Variants in CPNE2 observed in about 807,000 individuals in gnomAD.
CPNE2 encodes the protein copine 2.
Under a neutral mutation model 69.7 loss-of-function variants are expected in CPNE2, and 42 were observed. The observed-to-expected ratio is 0.60, with a 90% CI of 0.47 to 0.78. The LOEUF is 0.78. CPNE2 is among the 30% of genes least tolerant of loss of function. CPNE2 has a pLI of 0.00. For synonymous variants in CPNE2, 294 were observed against 289.8 expected (o/e 1.01, Z -0.15); for missense variants, 587 against 732.0 (o/e 0.80, Z 2.29).
intron 1 of CPNE2, among the ~76,000 whole-genome samples, chr16:57,100,943 A>G (rs1254278828): frequency 6.6e-6 from 1 of 152,128 alleles, no homozygotes; most frequent in Non-Finnish European, 1.5e-5. Context: ...GGTTAATTTT[A>G]TGTGTCAGCT....
rs2069958230 is a variant in CPNE2 at position 57,146,344 on chromosome 16, AG to A, written c.1539+28del. 2.0e-6 allele frequency: 3 copies of A among 1,526,414 alleles called. No homozygotes were observed. The highest frequency in any genetic ancestry group is 1.2e-5 in the South Asian group (1 of 81,098). The allele number at this position is 1,526,414 out of a possible 1,614,324, so 94.6% of individuals were successfully genotyped here. On this transcript the variant is annotated intron_variant, in intron 15 of 15. Coordinates refer to ENST00000290776, the MANE Select transcript of CPNE2 (RefSeq NM_152727.6). The surrounding 1 kb of genome is among the most constrained non-coding windows in gnomAD (Gnocchi z 4.4). ...AACGTGAGTGTGGGCCTGGGCTGGG[AG>A]GGGGCGGTTACAGGATCCCAGCCAC...
At chr16:57,137,432 G>A (rs1223550544) in intron 14 of CPNE2, 150 bp downstream of exon 14, 13 of 1,079,124 alleles carry the variant, frequency 1.2e-5, no homozygotes, top group Non-Finnish European at 1.7e-5. Flanking sequence ...GTTGAGTCAA[G>A]CTCAACTTGA....
At chr16:57,128,763 G>A (rs1187199678) in intron 12 of CPNE2, among the ~76,000 whole-genome samples, 5 of 152,098 alleles carry the variant, frequency 3.3e-5, no homozygotes, top group East Asian at 1.9e-4. Context: ...CCATCCTCTC[G>A]CTGTGTGGAG....
chr16:57,132,969 G>A (rs2069849273), intron 12 of CPNE2, among the ~76,000 whole-genome samples: 1 of 152,132 alleles, frequency 6.6e-6, no homozygotes, highest in South Asian at 2.1e-4. Context: ...GGCCCGAGAA[G>A]GCAAAATATT....
At chr16:57,132,473 G>A (rs1296112341) in intron 12 of CPNE2, among the ~76,000 whole-genome samples, 4 of 152,104 alleles carry the variant, frequency 2.6e-5, no homozygotes, top group South Asian at 2.1e-4. Context: ...TGCCCCACCC[G>A]CTGCCTCTAC....
chr16:57,140,016 G>T (rs1242234652), intron 14 of CPNE2, among the ~76,000 whole-genome samples: 4 of 152,170 alleles, frequency 2.6e-5, no homozygotes, highest in African/African-American at 9.7e-5. Context: ...GAGTGGCCGG[G>T]GTAGAGGGAA....
chr16:57,147,934 T>C lies in CPNE2; in HGVS notation c.*276T>C. 1 of 331,454 alleles carries C rather than the reference T, an allele frequency of 3.0e-6. No individual in the cohort carries two copies. Among genetic ancestry groups the C allele is most frequent in the Non-Finnish European group, 5.4e-6 (1 of 183,956 alleles). 20.5% of individuals were successfully genotyped at this position (331,454 alleles called of 1,614,324 possible). A position where few individuals can be genotyped will look rare whatever the true frequency, so the allele number is the denominator to read the frequency against. On this transcript the variant is annotated 3_prime_UTR_variant, in exon 16 of 16. Transcript: ENST00000290776. ...TGTACTTTGTATAATTTTAGTGGAA[T>C]TGTTATTGAGAATAAAATTTTTACA...
intron 12 of CPNE2, among the ~76,000 whole-genome samples, chr16:57,133,215 G>A (rs1395167071): frequency 2.0e-5 from 3 of 152,254 alleles, no homozygotes; most frequent in Admixed American, 1.3e-4. Context: ...GGGTGAAGTG[G>A]GCCCTGGACA....
chr16:57,114,431 A>G (rs1333472362), intron 3 of CPNE2, among the ~76,000 whole-genome samples: 2 of 150,878 alleles, frequency 1.3e-5, no homozygotes, highest in Non-Finnish European at 3.0e-5. Flanking sequence ...AGAAGCTCCC[A>G]TCAAACGGGG....
At chr16:57,114,331 G>T (rs2069702019) in intron 3 of CPNE2, among the ~76,000 whole-genome samples, 1 of 152,224 alleles carries the variant, frequency 6.6e-6, no homozygotes, top group Non-Finnish European at 1.5e-5. Flanking sequence ...AAGGCAGGGT[G>T]AGGAAGTGGC....
Position 57,110,538 on chromosome 16 carries a change from C to G in CPNE2, c.-35-170C>G, listed in dbSNP as rs367763908. 1.8e-4 allele frequency: 77 copies of G among 419,510 alleles called. 1 individual carries two copies. Among genetic ancestry groups the G allele is most frequent in the African/African-American group, 1.2e-3 (56 of 48,684 alleles). The allele number at this position is 419,510 out of a possible 1,614,324, so 26.0% of individuals were successfully genotyped here. A position where few individuals can be genotyped will look rare whatever the true frequency, so the allele number is the denominator to read the frequency against. ...GCTGAGACTCCCTTTTCATGCATTT[C>G]CTTGCATTCTTCTTTCTTCAAACCT... is the stretch of plus-strand genomic sequence containing the variant. On this transcript the variant is annotated intron_variant, in intron 1 of 15. Transcript: ENST00000290776.
chr16:57,102,144 G>A (rs888383746), intron 1 of CPNE2, among the ~76,000 whole-genome samples: 1 of 151,960 alleles, frequency 6.6e-6, no homozygotes, highest in African/African-American at 2.4e-5. Context: ...GTAGAGACAG[G>A]GTTTCACTAT....
At chr16:57,139,854 A>C (rs987930336) in intron 14 of CPNE2, among the ~76,000 whole-genome samples, 2 of 151,968 alleles carry the variant, frequency 1.3e-5, no homozygotes, top group Non-Finnish European at 2.9e-5. Flanking sequence ...TGGGCAAGTC[A>C]CGTCACCTTA....
At position 57,146,370 on chromosome 16, in the gene CPNE2, C is replaced by A. The variant is rs759483543; in HGVS notation, c.1539+49C>A. Reference sequence around the variant, plus strand: ...GGGGGCGGTTACAGGATCCCAGCCACCATAGCTCATAATCAAGCTTGAGAG... The same window carrying A: ...GGGGGCGGTTACAGGATCCCAGCCAACATAGCTCATAATCAAGCTTGAGAG... On this transcript the variant is annotated intron_variant, in intron 15 of 15. Coordinates refer to ENST00000290776, the MANE Select transcript of CPNE2 (RefSeq NM_152727.6). The surrounding 1 kb of genome is among the most constrained non-coding windows in gnomAD (Gnocchi z 4.4). The A allele has an allele frequency of 1.4e-6, 2 of 1,426,852 alleles. No homozygotes were observed. The highest frequency in any genetic ancestry group is 1.9e-6 in the Non-Finnish European group (2 of 1,047,802). 88.4% of individuals were successfully genotyped at this position (1,426,852 alleles called of 1,614,324 possible). A position where few individuals can be genotyped will look rare whatever the true frequency, so the allele number is the denominator to read the frequency against.
chr16:57,105,433 T>TC (rs1164795179), intron 1 of CPNE2, among the ~76,000 whole-genome samples: 2 of 151,452 alleles, frequency 1.3e-5, no homozygotes, highest in East Asian at 3.9e-4. Context: ...GTGTCCGGTT[T>TC]TTTTTTTTTT....
intron 10 of CPNE2, chr16:57,124,542 G>A (rs2145262978): frequency 2.9e-6 from 1 of 339,832 alleles, no homozygotes; most frequent in Non-Finnish European, 6.0e-6. Flanking sequence ...CACAGTAACT[G>A]GCACATAGCA....
Position 57,137,281 on chromosome 16 carries a change from C to T in CPNE2, c.1301C>T (p.Thr434Met), listed in dbSNP as rs552065125. 56 of 1,613,990 alleles carry T rather than the reference C, an allele frequency of 3.5e-5. No individual in the cohort carries two copies. In the Admixed American group the frequency reaches 5.0e-4, roughly 14 times the overall value. ...AAQATQQRTA[T>M]QYFILLIITD... ...CAGGCCACACAACAGCGGACGGCCA[C>T]GGTGAGTAGGCAGCTGCAAGCCAGT... is the stretch of plus-strand genomic sequence containing the variant. The change falls in exon 14 of 16, where the codon ACG becomes ATG. Residue 434 changes from threonine to methionine, a missense_variant and splice_region_variant. Transcript: ENST00000290776.
At chr16:57,121,018 C>A in intron 7 of CPNE2, 75 bp from the exon 8 acceptor site, 2 of 1,080,644 alleles carry the variant, frequency 1.9e-6, no homozygotes, top group Non-Finnish European at 2.7e-6. Context: ...AGAGGGTTTG[C>A]TTGGGGAGTT....
At chr16:57,125,504 T>C in intron 10 of CPNE2, 2 of 389,818 alleles carry the variant, frequency 5.1e-6, no homozygotes, top group South Asian at 3.7e-5. Context: ...GAAGAAACGA[T>C]AGCCTGGCTC....
Sources: allele counts gnomAD v4.1 joint callset (sites outside exome capture counted in the v4.1 genomes callset), GRCh38; gene constraint gnomAD v4.1.1; non-coding constraint Gnocchi (gnomAD v3.1); transcripts MANE v1.5; gene names NCBI Gene and HGNC (gene_info 2026-07-23, HGNC 2026-07-21).